PTK2: variants seen among roughly 807,000 people sequenced by gnomAD.
The protein encoded by PTK2 is protein tyrosine kinase 2, also known as focal adhesion kinase 1.
Under a neutral mutation model 150.1 loss-of-function variants are expected in PTK2, and 45 were observed. The ratio of observed to expected loss-of-function variants is 0.30; its 90% CI spans 0.24 to 0.38. The LOEUF is 0.38. Ranked by LOEUF, PTK2 falls within the 10% of genes least tolerant of loss-of-function variation. The pLI, the probability that PTK2 is intolerant of heterozygous loss-of-function variation, is 1.00. For synonymous variants in PTK2, 432 were observed against 449.2 expected, an observed-to-expected ratio of 0.96 and a Z score of 0.48; for missense variants, 919 against 1,307.3, an observed-to-expected ratio of 0.70 and a Z score of 4.58.
At chr8:140,732,857 AAAG>A (rs933495885) in intron 22 of PTK2, among the ~76,000 whole-genome samples, 2 of 152,330 alleles carry the variant, frequency 1.3e-5, no homozygotes, top group East Asian at 1.9e-4. Flanking sequence ...CCAGTGCGTG[AAAG>A]AAGCCGAGAA....
intron 4 of PTK2, among the ~76,000 whole-genome samples, chr8:140,871,427 T>G (rs1485727880): frequency 6.6e-6 from 1 of 152,208 alleles, no homozygotes; most frequent in African/African-American, 2.4e-5. Context: ...TCTATTTAAT[T>G]ATGCATATCT....
At chr8:140,725,808 C>T (rs543062028) in intron 22 of PTK2, among the ~76,000 whole-genome samples, 3 of 143,202 alleles carry the variant, frequency 2.1e-5, no homozygotes, top group Non-Finnish European at 3.0e-5. Flanking sequence ...CCATCAGCCA[C>T]AATGTCTAGG....
In PTK2 at chr8:140,830,952, C is replaced by A. The variant is rs192568352; in HGVS notation, c.594-426G>T. On this transcript the variant is annotated intron_variant, in intron 7 of 31. Transcript: ENST00000522684. ...ATTAGTAAATGATTCAGGATATACC[C>A]GAGAAGTTACAGAAATAAATCCCTT... Among the ~76,000 whole-genome samples the A allele has an allele frequency of 5.9e-5, 9 of 152,048 alleles. No individual in the cohort carries two copies. In the South Asian group the frequency reaches 1.9e-3, roughly 32 times the overall value.
intron 4 of PTK2, among the ~76,000 whole-genome samples, chr8:140,872,216 T>C (rs1022538707): frequency 5.3e-5 from 8 of 151,962 alleles, no homozygotes; most frequent in African/African-American, 1.7e-4. Context: ...GGCTAATTTT[T>C]GTACTTTTGG....
intron 23 of PTK2, among the ~76,000 whole-genome samples, chr8:140,716,201 T>C (rs958855281): frequency 1.5e-4 from 23 of 152,200 alleles, no homozygotes; most frequent in South Asian, 2.1e-4. Flanking sequence ...CAGACCCCCA[T>C]GTGAATGAAT....
chr8:140,972,164 C>T (rs568271146), intron 1 of PTK2, among the ~76,000 whole-genome samples: 1 of 147,526 alleles, frequency 6.8e-6, no homozygotes, highest in East Asian at 2.0e-4. Context: ...CTAATTTAGC[C>T]AAATGTTATC....
intron 14 of PTK2, among the ~76,000 whole-genome samples, chr8:140,776,821 A>G (rs767265752): frequency 6.6e-6 from 1 of 152,196 alleles, no homozygotes; most frequent in Non-Finnish European, 1.5e-5. Context: ...AAGTCATGAA[A>G]CACAATGAGA....
intron 29 of PTK2, among the ~76,000 whole-genome samples, chr8:140,673,685 G>A (rs560138594): frequency 1.3e-5 from 2 of 152,276 alleles, no homozygotes; most frequent in South Asian, 2.1e-4. Flanking sequence ...GTGAGGGCTG[G>A]TGGGGACCCA....
At chr8:140,837,978 C>T (rs951754479) in intron 7 of PTK2, among the ~76,000 whole-genome samples, 6 of 151,846 alleles carry the variant, frequency 4.0e-5, no homozygotes, top group African/African-American at 1.5e-4. Flanking sequence ...AGGAGAATTG[C>T]TTGAATCCAG....
At chr8:140,749,461 C>T (rs1386726543) in intron 17 of PTK2, among the ~76,000 whole-genome samples, 2 of 152,186 alleles carry the variant, frequency 1.3e-5, no homozygotes, top group African/African-American at 4.8e-5. Flanking sequence ...CACTAGGAAA[C>T]TCTACCCAAA....
chr8:140,911,962 G>A (rs998741291), intron 2 of PTK2, among the ~76,000 whole-genome samples: 2 of 152,188 alleles, frequency 1.3e-5, no homozygotes, highest in African/African-American at 2.4e-5. Flanking sequence ...GCCAGGCGCG[G>A]TGACTCATGC....
intron 1 of PTK2, among the ~76,000 whole-genome samples, chr8:140,961,079 CA>C (rs2100183022): frequency 1.3e-5 from 2 of 152,194 alleles, no homozygotes; most frequent in African/African-American, 4.8e-5. Flanking sequence ...CATCTGAAAT[CA>C]AATTCAAGAA....
At chr8:140,778,586 A>G (rs1233132104) in intron 14 of PTK2, among the ~76,000 whole-genome samples, 1 of 152,204 alleles carries the variant, frequency 6.6e-6, no homozygotes, top group Admixed American at 6.5e-5. Context: ...TGAAAGCAAG[A>G]CCAAAGCAAT....
At chr8:140,830,148 T>C (rs186609045) in intron 8 of PTK2, among the ~76,000 whole-genome samples, 309 of 152,256 alleles carry the variant, frequency 2.0e-3, no homozygotes, top group Admixed American at 3.6e-3. Flanking sequence ...ATTTTACATA[T>C]TGCTCCTTTT....
At chr8:140,863,471 T>G (rs1372729203) in intron 5 of PTK2, among the ~76,000 whole-genome samples, 1 of 152,246 alleles carries the variant, frequency 6.6e-6, no homozygotes, top group Non-Finnish European at 1.5e-5. Context: ...ACATAATGTT[T>G]GTGGTCCCTC....
intron 20 of PTK2, among the ~76,000 whole-genome samples, chr8:140,741,297 T>C (rs1161196716): frequency 6.8e-6 from 1 of 146,172 alleles, no homozygotes; most frequent in African/African-American, 2.5e-5. Flanking sequence ...CTACTAAAAA[T>C]ACAAAAAATT....
chr8:140,966,588 A>G (rs997033381), intron 1 of PTK2, among the ~76,000 whole-genome samples: 4 of 152,264 alleles, frequency 2.6e-5, no homozygotes, highest in Admixed American at 2.6e-4. Flanking sequence ...AAATATAAGT[A>G]TAAAAATCTG....
intron 1 of PTK2, among the ~76,000 whole-genome samples, chr8:140,991,886 G>A (rs551927146): frequency 1.3e-5 from 2 of 152,230 alleles, no homozygotes; most frequent in East Asian, 3.9e-4. Context: ...GCATGCGCCT[G>A]TAGTCCCAGC....
chr8:140,945,353 G>A (rs936711747), intron 1 of PTK2, among the ~76,000 whole-genome samples: 1 of 152,172 alleles, frequency 6.6e-6, no homozygotes, highest in Non-Finnish European at 1.5e-5. Context: ...GGGATGCCAA[G>A]GCAGGAGGAT....
Sources: gnomAD v4.1 joint callset for allele counts (sites outside exome capture counted in the v4.1 genomes callset) on GRCh38, gnomAD v4.1.1 for gene constraint, MANE v1.5 for transcripts, NCBI Gene and HGNC (gene_info 2026-07-23, HGNC 2026-07-21) for gene names.